The following TBC1D22B variants were observed in gnomAD, a reference collection of about 807,000 sequenced individuals.
The protein encoded by TBC1D22B is chromosome 6 open reading frame 197.
In TBC1D22B, 32 loss-of-function variants were observed where a neutral mutation model predicts 69.1. That is an observed-to-expected ratio of 0.46 (90% CI 0.35 to 0.62). The LOEUF (loss-of-function observed/expected upper bound fraction) is 0.62. Ranked by LOEUF, TBC1D22B falls within the 20% of genes least tolerant of loss-of-function variation. TBC1D22B has a pLI of 0.00. For synonymous variants in TBC1D22B, 206 were observed against 229.8 expected, an observed-to-expected ratio of 0.90 and a Z score of 0.94; for missense variants, 462 against 630.9, an observed-to-expected ratio of 0.73 and a Z score of 2.87.
chr6:37,290,124 A>C (rs116270966), intron 7 of TBC1D22B, among the ~76,000 whole-genome samples: 1 of 152,130 alleles, frequency 6.6e-6, no homozygotes, highest in Non-Finnish European at 1.5e-5. Flanking sequence ...TCCAAAAACC[A>C]TATAACCATT....
intron 1 of TBC1D22B, among the ~76,000 whole-genome samples, chr6:37,266,292 G>GTATTCTTTCAGATACTCTGA (rs1766267936): frequency 2.0e-5 from 3 of 151,968 alleles, no homozygotes; most frequent in Non-Finnish European, 4.4e-5. Context: ...AGTGTCTTTT[G>GTATTCTTTCAGATACTCTGA]TATTCTTTCA....
chr6:37,298,197 T>TA (rs200299002), intron 8 of TBC1D22B, among the ~76,000 whole-genome samples: 44 of 150,368 alleles, frequency 2.9e-4, no homozygotes, highest in Admixed American at 7.9e-4. Context: ...AAGTATAATT[T>TA]AAAAAAAAAA....
chr6:37,261,046 A>G, intron 1 of TBC1D22B, among the ~76,000 whole-genome samples: 1 of 152,222 alleles, frequency 6.6e-6, no homozygotes, highest in South Asian at 2.1e-4. Context: ...GGAACTAAGC[A>G]TCTTTTAAGT....
chr6:37,304,220 G>A (rs968626118), intron 8 of TBC1D22B, among the ~76,000 whole-genome samples: 2 of 152,220 alleles, frequency 1.3e-5, no homozygotes, highest in Admixed American at 1.3e-4. Flanking sequence ...GCACCCACAT[G>A]TGCAGGGCAC....
chr6:37,268,775 A>G (rs914589796), intron 1 of TBC1D22B, among the ~76,000 whole-genome samples: 4 of 152,294 alleles, frequency 2.6e-5, no homozygotes, highest in Non-Finnish European at 2.9e-5. Context: ...TGAAGTCTAT[A>G]TAAGTCGAAT....
intron 1 of TBC1D22B, among the ~76,000 whole-genome samples, chr6:37,259,727 G>A (rs1169951005): frequency 6.6e-6 from 1 of 152,090 alleles, no homozygotes; most frequent in Non-Finnish European, 1.5e-5. Flanking sequence ...AGAAAGACTT[G>A]GGTTACTATT....
At chr6:37,272,967 A>G (rs564552899) in intron 2 of TBC1D22B, among the ~76,000 whole-genome samples, 5 of 152,328 alleles carry the variant, frequency 3.3e-5, no homozygotes, top group Non-Finnish European at 7.3e-5. Context: ...TAGTAATCCC[A>G]GTGACTGGCA....
intron 8 of TBC1D22B, among the ~76,000 whole-genome samples, chr6:37,302,683 A>G (rs939471877): frequency 6.6e-6 from 1 of 152,236 alleles, no homozygotes; most frequent in Non-Finnish European, 1.5e-5. Flanking sequence ...TGGAAGCATG[A>G]CAGCAGTGGA....
chr6:37,286,432 C>T (rs1414049845), intron 6 of TBC1D22B, among the ~76,000 whole-genome samples: 1 of 151,812 alleles, frequency 6.6e-6, no homozygotes, highest in South Asian at 2.1e-4. Context: ...TCTCCTGCCT[C>T]GGCCTCCCGA....
At position 37,313,810 on chromosome 6, in the gene TBC1D22B, T is replaced by A. The variant is rs928861075; in HGVS notation, c.1090-6T>A. 3.7e-6 allele frequency: 6 copies of A among 1,613,914 alleles called. No homozygotes were observed. The highest frequency in any genetic ancestry group is 2.2e-5 in the East Asian group (1 of 44,892). ...ATGTTCATCCTGGGCTCTGTGTCATTTGCAGGATAACTACACCTTTGCACA... is the reference window on the plus strand; with the variant it reads ...ATGTTCATCCTGGGCTCTGTGTCATATGCAGGATAACTACACCTTTGCACA... On this transcript the variant is annotated splice_region_variant and splice_polypyrimidine_tract_variant and intron_variant, in intron 9 of 12. Transcript: ENST00000373491.
intron 2 of TBC1D22B, among the ~76,000 whole-genome samples, chr6:37,274,668 A>G (rs1766605763): frequency 6.6e-6 from 1 of 152,218 alleles, no homozygotes; most frequent in Admixed American, 6.5e-5. Flanking sequence ...TTTCTAAACT[A>G]TAATTTATCG....
intron 8 of TBC1D22B, among the ~76,000 whole-genome samples, chr6:37,312,260 A>C (rs1767936178): frequency 6.6e-6 from 1 of 152,178 alleles, no homozygotes; most frequent in Non-Finnish European, 1.5e-5. Flanking sequence ...TTTCTCAACC[A>C]TATTTGTCTG....
At chr6:37,286,683 C>T (rs555550741) in intron 6 of TBC1D22B, among the ~76,000 whole-genome samples, 1 of 151,884 alleles carries the variant, frequency 6.6e-6, no homozygotes, top group Non-Finnish European at 1.5e-5. Flanking sequence ...GTGGCTCACA[C>T]CTGCAATCCC....
intron 12 of TBC1D22B, among the ~76,000 whole-genome samples, chr6:37,318,967 A>G (rs1195080450): frequency 1.3e-5 from 2 of 152,208 alleles, no homozygotes; most frequent in Admixed American, 6.5e-5. Context: ...AGAAAGTTGA[A>G]TGCTTTTCTA....
At chr6:37,260,045 T>G (rs1167395007) in intron 1 of TBC1D22B, among the ~76,000 whole-genome samples, 2 of 152,212 alleles carry the variant, frequency 1.3e-5, no homozygotes, top group East Asian at 3.8e-4. Context: ...TCATAATAGT[T>G]TTTAGTACCT....
intron 8 of TBC1D22B, among the ~76,000 whole-genome samples, chr6:37,291,692 A>T (rs1027131972): frequency 4.6e-5 from 7 of 152,174 alleles, no homozygotes; most frequent in Non-Finnish European, 1.0e-4. Context: ...GGAATTTTAG[A>T]TTGGACATCA....
chr6:37,309,794 G>A (rs1767846702), intron 8 of TBC1D22B, among the ~76,000 whole-genome samples: 1 of 152,096 alleles, frequency 6.6e-6, no homozygotes, highest in Admixed American at 6.6e-5. Flanking sequence ...AATGGATAAA[G>A]TGTGATGGAG....
At chr6:37,293,455 G>T (rs1047112445) in intron 8 of TBC1D22B, among the ~76,000 whole-genome samples, 1 of 151,990 alleles carries the variant, frequency 6.6e-6, no homozygotes, top group African/African-American at 2.4e-5. Context: ...ATTATTTCAG[G>T]GTGCCATGAA....
At chr6:37,270,922 A>C (rs967982706) in intron 2 of TBC1D22B, among the ~76,000 whole-genome samples, 1 of 152,260 alleles carries the variant, frequency 6.6e-6, no homozygotes, top group Non-Finnish European at 1.5e-5. Context: ...GACAGTGAGA[A>C]GATCAGTTGC....
Sources: allele counts gnomAD v4.1 joint callset (sites outside exome capture counted in the v4.1 genomes callset), GRCh38; gene constraint gnomAD v4.1.1; transcripts MANE v1.5; gene names NCBI Gene and HGNC (gene_info 2026-07-23, HGNC 2026-07-21).